DCC: variants seen among roughly 807,000 people sequenced by gnomAD.
DCC encodes DCC netrin 1 receptor, also known as netrin receptor DCC.
In DCC, 58 loss-of-function variants were observed where a neutral mutation model predicts 172.5. The observed-to-expected ratio is 0.34, with a 90% CI of 0.27 to 0.42. The LOEUF is 0.42. Among genes scored for constraint, DCC ranks in the 10% least tolerant of loss-of-function variants. DCC has a pLI of 1.00. For missense variants in DCC, 1,740 were observed against 1,791.0 expected (o/e 0.97, Z 0.51); for synonymous variants, 709 against 644.5 (o/e 1.10, Z -1.52).
intron 1 of DCC, among the ~76,000 whole-genome samples, chr18:52,403,569 A>G (rs576284495): frequency 7.9e-5 from 12 of 152,062 alleles, no homozygotes; most frequent in African/African-American, 1.9e-4. Context: ...TCCATGAATC[A>G]TCTCATTTTC....
chr18:52,677,165 A>G (rs2035659863), intron 1 of DCC, among the ~76,000 whole-genome samples: 1 of 152,166 alleles, frequency 6.6e-6, no homozygotes, highest in Non-Finnish European at 1.5e-5. Context: ...CTTAATGCCA[A>G]GGTTTTAAAT....
intron 5 of DCC, among the ~76,000 whole-genome samples, chr18:52,938,537 A>T (rs1036990802): frequency 6.6e-6 from 1 of 152,166 alleles, no homozygotes; most frequent in African/African-American, 2.4e-5. Flanking sequence ...TCATAGTATC[A>T]TTATTTATAC....
chr18:53,459,092 GCCAATT>G (rs1226546698), intron 23 of DCC, 134 bp from the exon 24 acceptor site: 1 of 729,276 alleles, frequency 1.4e-6, no homozygotes, highest in Non-Finnish European at 2.4e-6. Flanking sequence ...AGACAAGTCT[GCCAATT>G]CCTGGGTTTC....
intron 2 of DCC, among the ~76,000 whole-genome samples, chr18:52,787,407 C>T (rs1231372421): frequency 6.6e-6 from 1 of 151,782 alleles, no homozygotes; most frequent in Non-Finnish European, 1.5e-5. Flanking sequence ...GACAAAGTTT[C>T]CAGGGTAGTT....
At chr18:52,567,793 T>A (rs538935345) in intron 1 of DCC, among the ~76,000 whole-genome samples, 3 of 152,050 alleles carry the variant, frequency 2.0e-5, no homozygotes, top group Non-Finnish European at 4.4e-5. Flanking sequence ...CCCCTTAAAT[T>A]TATGCAAAAT....
chr18:52,782,337 C>T (rs74662591), intron 2 of DCC, among the ~76,000 whole-genome samples: 271 of 152,162 alleles, frequency 1.8e-3, no homozygotes, highest in African/African-American at 6.1e-3. Context: ...TTGTAGCATC[C>T]GCTTTGAACT....
chr18:52,767,630 G>A (rs1370647246), intron 2 of DCC, among the ~76,000 whole-genome samples: 4 of 152,060 alleles, frequency 2.6e-5, no homozygotes, highest in Non-Finnish European at 5.9e-5. Flanking sequence ...TATTTTGCCC[G>A]AAGGTCTAAA....
chr18:52,465,225 G>A (rs1988751296), intron 1 of DCC, among the ~76,000 whole-genome samples: 1 of 152,102 alleles, frequency 6.6e-6, no homozygotes, highest in African/African-American at 2.4e-5. Context: ...ACTAGAAATT[G>A]CTAAATATTT....
intron 1 of DCC, among the ~76,000 whole-genome samples, chr18:52,481,894 A>G (rs1438231447): frequency 1.3e-5 from 2 of 152,096 alleles, no homozygotes; most frequent in Non-Finnish European, 2.9e-5. Context: ...CTTTAAAATT[A>G]TATTTATTTC....
chr18:53,203,957 G>C (rs1165676449), intron 9 of DCC, among the ~76,000 whole-genome samples: 2 of 152,128 alleles, frequency 1.3e-5, no homozygotes, highest in African/African-American at 4.8e-5. Flanking sequence ...AATCAAAATG[G>C]AAGCTTTTTC....
Position 53,267,110 on chromosome 18 carries a change from T to TCTCACA in DCC, c.1912-38467_1912-38466insTCACAC, listed in dbSNP as rs1555742489. 7.9e-4 allele frequency among the ~76,000 whole-genome samples: 108 copies of TCTCACA among 137,394 alleles called. 1 individual carries two copies. The highest frequency in any genetic ancestry group is 7.4e-3 in the Admixed American group (105 of 14,112). 90.1% of individuals were successfully genotyped at this position (137,394 alleles called of 152,430 possible). A position where few individuals can be genotyped will look rare whatever the true frequency, so the allele number is the denominator to read the frequency against. ...TATACACACACACACACTCTCTCTC[T>TCTCACA]CACACACACACACACACACACACAT... is the stretch of plus-strand genomic sequence containing the variant. On this transcript the variant is annotated intron_variant, in intron 12 of 28. Transcript: ENST00000442544.
chr18:52,752,988 TAC>T (rs892181216), intron 2 of DCC, among the ~76,000 whole-genome samples: 13 of 145,880 alleles, frequency 8.9e-5, no homozygotes, highest in African/African-American at 3.7e-4. Flanking sequence ...ATATCATATA[TAC>T]ACACACACAC....
chr18:53,228,464 T>C (rs1598926117), intron 12 of DCC, among the ~76,000 whole-genome samples: 1 of 152,214 alleles, frequency 6.6e-6, no homozygotes, highest in Admixed American at 6.5e-5. Flanking sequence ...CGTAAGAGTC[T>C]TCCAAATTAT....
In DCC at chr18:52,354,298, G is replaced by A. The variant is rs145198113; in HGVS notation, c.91+13420G>A. Among the ~76,000 whole-genome samples, 86 of 152,290 alleles carry A rather than the reference G, an allele frequency of 5.6e-4. No individual in the cohort carries two copies. In the East Asian group the frequency reaches 0.015, roughly 26 times the overall value. The stretch of plus-strand genomic sequence containing the variant: ...TAGAAAGAACCCTGAAAGATTTTCA[G>A]CAGGGAAATGGCATTTTAGATAACA... On this transcript the variant is annotated intron_variant, in intron 1 of 28. Transcript: ENST00000442544.
At chr18:53,481,533 C>T (rs971208034) in intron 25 of DCC, among the ~76,000 whole-genome samples, 1 of 152,028 alleles carries the variant, frequency 6.6e-6, no homozygotes, top group African/African-American at 2.4e-5. Flanking sequence ...GGCTAAATTT[C>T]CAAATGTCCC....
chr18:53,067,571 A>G (rs1404871491), intron 7 of DCC, among the ~76,000 whole-genome samples: 1 of 152,182 alleles, frequency 6.6e-6, no homozygotes, highest in African/African-American at 2.4e-5. Context: ...TAGACCTGTC[A>G]TGTAACAGCT....
At chr18:52,477,992 T>C (rs2144575632) in intron 1 of DCC, among the ~76,000 whole-genome samples, 1 of 152,132 alleles carries the variant, frequency 6.6e-6, no homozygotes, top group South Asian at 2.1e-4. Flanking sequence ...TTATGTTTAG[T>C]AGAGATGAAG....
intron 12 of DCC, among the ~76,000 whole-genome samples, chr18:53,232,885 T>C (rs1416827368): frequency 6.6e-6 from 1 of 152,084 alleles, no homozygotes; most frequent in Admixed American, 6.6e-5. Flanking sequence ...CCGCTCTCAA[T>C]AAACTGATTA....
intron 25 of DCC, among the ~76,000 whole-genome samples, chr18:53,471,764 A>G (rs1321566862): frequency 6.6e-6 from 1 of 152,138 alleles, no homozygotes; most frequent in African/African-American, 2.4e-5. Context: ...TCAGGTCTCT[A>G]TTCAACTACC....
Sources: allele counts gnomAD v4.1 joint callset (sites outside exome capture counted in the v4.1 genomes callset), GRCh38; gene constraint gnomAD v4.1.1; transcripts MANE v1.5; gene names NCBI Gene and HGNC (gene_info 2026-07-23, HGNC 2026-07-21).